The following B3GLCT variants were observed in gnomAD, a reference collection of about 807,000 sequenced individuals.
B3GLCT encodes beta-1,3-glucosyltransferase.
B3GLCT carries 65 observed loss-of-function variants against 63.4 expected under a neutral mutation model. The ratio of observed to expected loss-of-function variants is 1.03; its 90% CI spans 0.84 to 1.26. B3GLCT has a LOEUF of 1.26. Among genes scored for constraint, B3GLCT ranks in the 50% most tolerant of loss-of-function variants. The probability of loss-of-function intolerance (pLI) is 0.00; values close to 1 mark genes in which losing one functional copy is unlikely to be tolerated. For missense variants in B3GLCT, 577 were observed against 604.8 expected (o/e 0.95, Z 0.48); for synonymous variants, 233 against 219.2 (o/e 1.06, Z -0.55).
Position 31,260,986 on chromosome 13 carries a change from C to T in B3GLCT, c.500C>T (p.Thr167Ile). Residue 167 changes from threonine to isoleucine, a missense_variant, in exon 7 of 15, where the codon ACA becomes ATA. Transcript: ENST00000343307. ...AAAGCATTACATGATGAAGAAGCTA[C>T]AATAATTCACCATTATGCCTTTTCC... ...LGKALHDEEA[T>I]IIHHYAFSEN... 6.2e-7 allele frequency: 1 copy of T among 1,613,788 alleles called. No individual in the cohort carries two copies. Among genetic ancestry groups the T allele is most frequent in the Non-Finnish European group, 8.5e-7 (1 of 1,179,832 alleles).
rs949306565 is a variant in B3GLCT, at chr13:31,331,321, A to C, written c.*1653A>C. The C allele has an allele frequency of 6.6e-6, 1 of 152,222 alleles. No individual in the cohort carries two copies. Among genetic ancestry groups the C allele is most frequent in the African/African-American group, 2.4e-5 (1 of 41,454 alleles). 9.4% of individuals were successfully genotyped at this position (152,222 alleles called of 1,614,324 possible). ...CTGCTCTGGCCTACTAACTGTTACC[A>C]CTGAGAGAACAACATGTTCATTTGA... On this transcript the variant is annotated 3_prime_UTR_variant, in exon 15 of 15. Transcript: ENST00000343307.
chr13:31,223,403 T>C (rs1869925584), intron 3 of B3GLCT, among the ~76,000 whole-genome samples: 2 of 152,270 alleles, frequency 1.3e-5, no homozygotes, highest in Admixed American at 1.3e-4. Context: ...GAGCAGGCTG[T>C]CCACTTGCTG....
chr13:31,261,222 G>A (rs1872016638), intron 7 of B3GLCT, 140 bp downstream of exon 7: 5 of 931,362 alleles, frequency 5.4e-6, no homozygotes, highest in Non-Finnish European at 8.0e-6. Context: ...ATCTGGAAAA[G>A]GAGCCAGATG....
intron 4 of B3GLCT, among the ~76,000 whole-genome samples, chr13:31,240,530 G>A (rs1166069277): frequency 6.7e-6 from 1 of 148,668 alleles, no homozygotes; most frequent in Non-Finnish European, 1.5e-5. Flanking sequence ...TAAGCCAGGA[G>A]AGCTAGCAAA....
At chr13:31,263,753 C>A (rs1872158033) in intron 7 of B3GLCT, among the ~76,000 whole-genome samples, 1 of 152,156 alleles carries the variant, frequency 6.6e-6, no homozygotes, top group East Asian at 1.9e-4. Context: ...TTTGTGAGAT[C>A]ATTGAACACA....
At chr13:31,315,624 A>G (rs1334706829) in intron 12 of B3GLCT, among the ~76,000 whole-genome samples, 1 of 152,270 alleles carries the variant, frequency 6.6e-6, no homozygotes. Flanking sequence ...TTGCAGCCTG[A>G]CTGTGAGGTG....
chr13:31,321,323 A>G (rs1875318932), intron 13 of B3GLCT, among the ~76,000 whole-genome samples: 2 of 152,254 alleles, frequency 1.3e-5, no homozygotes, highest in Non-Finnish European at 1.5e-5. Context: ...CTAGTATTAC[A>G]GCAGAATTTT....
In B3GLCT at chr13:31,284,249, G is replaced by T. The variant is rs562412028; in HGVS notation, c.851-399G>T. On this transcript the variant is annotated intron_variant, in intron 10 of 14. Transcript: ENST00000343307. ...TGGGTAGTTCTGTTAGAATCTTTGG[G>T]TGGGGACATGCATAGTTTGCAAAGG... Among the ~76,000 whole-genome samples the T allele has an allele frequency of 5.3e-5, 8 of 152,310 alleles. No individual in the cohort carries two copies. The South Asian group carries it at 1.5e-3, about 28-fold the overall frequency.
intron 7 of B3GLCT, 102 bp from the exon 8 acceptor site, chr13:31,269,111 TG>T: frequency 1.2e-6 from 1 of 803,662 alleles, no homozygotes; most frequent in South Asian, 1.5e-5. Context: ...TCTTTAAATC[TG>T]TATGTTTATC....
At chr13:31,217,478 T>C (rs938616012) in intron 2 of B3GLCT, among the ~76,000 whole-genome samples, 1 of 152,226 alleles carries the variant, frequency 6.6e-6, no homozygotes, top group Non-Finnish European at 1.5e-5. Flanking sequence ...TTTTGTTGTT[T>C]TGCAGTTGCT....
chr13:31,246,230 A>C (rs967275560), intron 4 of B3GLCT, among the ~76,000 whole-genome samples: 3 of 152,186 alleles, frequency 2.0e-5, no homozygotes, highest in Admixed American at 6.5e-5. Flanking sequence ...GAGGAGGTTT[A>C]AGCATATGAG....
chr13:31,200,196 G>A (rs1315455730), intron 1 of B3GLCT, 42 bp downstream of exon 1: 3 of 1,204,022 alleles, frequency 2.5e-6, no homozygotes, highest in Non-Finnish European at 3.1e-6. Context: ...GAGGCGTGGG[G>A]TTCGCGGGCA....
At chr13:31,265,168 A>G (rs1196326452) in intron 7 of B3GLCT, among the ~76,000 whole-genome samples, 1 of 152,226 alleles carries the variant, frequency 6.6e-6, no homozygotes, top group African/African-American at 2.4e-5. Flanking sequence ...ACAGTTGCGC[A>G]GGAATTTCAT....
intron 6 of B3GLCT, among the ~76,000 whole-genome samples, chr13:31,254,095 G>C (rs1182700712): frequency 6.6e-6 from 1 of 152,140 alleles, no homozygotes; most frequent in Admixed American, 6.5e-5. Flanking sequence ...TTCTACCAGA[G>C]TTACAAAGAG....
At chr13:31,248,087 G>T in intron 6 of B3GLCT, 121 bp downstream of exon 6, 3 of 653,150 alleles carry the variant, frequency 4.6e-6, no homozygotes, top group Non-Finnish European at 8.2e-6. Flanking sequence ...TAAAAAGAAT[G>T]AAACATTGTT....
At chr13:31,312,272 CTG>C (rs1211318260) in intron 12 of B3GLCT, 2 of 152,212 alleles carry the variant, frequency 1.3e-5, no homozygotes, top group Admixed American at 6.5e-5. Context: ...CATCTGGCCT[CTG>C]TTGGCAAAGT....
chr13:31,202,193 TC>T (rs1868707846), intron 1 of B3GLCT, among the ~76,000 whole-genome samples: 1 of 152,198 alleles, frequency 6.6e-6, no homozygotes, highest in African/African-American at 2.4e-5. Context: ...TAGTTTAGTT[TC>T]CCCACAAACT....
chr13:31,268,937 T>G (rs1057079636), intron 7 of B3GLCT, among the ~76,000 whole-genome samples: 3 of 152,206 alleles, frequency 2.0e-5, no homozygotes, highest in African/African-American at 7.2e-5. Context: ...TCAACAAAGC[T>G]TATGACTTTT....
chr13:31,291,344 T>C (rs1873648101), intron 12 of B3GLCT, among the ~76,000 whole-genome samples: 2 of 152,330 alleles, frequency 1.3e-5, no homozygotes, highest in Non-Finnish European at 2.9e-5. Flanking sequence ...TTTAAAATAG[T>C]TTTTTCTAAT....
Sources: allele counts gnomAD v4.1 joint callset (sites outside exome capture counted in the v4.1 genomes callset), GRCh38; gene constraint gnomAD v4.1.1; transcripts MANE v1.5; gene names NCBI Gene and HGNC (gene_info 2026-07-23, HGNC 2026-07-21).